Variants in CRTC3 observed in about 807,000 individuals in gnomAD.
CRTC3 encodes CREB-regulated transcription coactivator 3.
In CRTC3, 26 loss-of-function variants were observed where a neutral mutation model predicts 74.5. That is an observed-to-expected ratio of 0.35 (90% confidence interval 0.26 to 0.48). The LOEUF is 0.48. Among genes scored for constraint, CRTC3 ranks in the 20% least tolerant of loss-of-function variants. The pLI is 0.99. For synonymous variants in CRTC3, 377 were observed against 325.8 expected (o/e 1.16, Z -1.69); for missense variants, 760 against 787.3 (o/e 0.97, Z 0.41).
At chr15:90,602,888 T>G (rs578058356) in intron 4 of CRTC3, among the ~76,000 whole-genome samples, 1 of 151,286 alleles carries the variant, frequency 6.6e-6, no homozygotes, top group South Asian at 2.1e-4. Context: ...GCAGGAGAGT[T>G]GCTTGAACCA....
rs929840101 is a variant in CRTC3, at chr15:90,607,615, G to A, written c.577+137G>A. 3.7e-5 allele frequency: 22 copies of A among 589,548 alleles called. 1 individual carries two copies. Among genetic ancestry groups the A allele is most frequent in the Non-Finnish European group, 5.7e-5 (19 of 333,342 alleles). The allele number at this position is 589,548 out of a possible 1,614,324, so 36.5% of individuals were successfully genotyped here. A position where few individuals can be genotyped will look rare whatever the true frequency, so the allele number is the denominator to read the frequency against. ...GAGAGGCAGCTCGTGGCAGGGAAGC[G>A]TGTGTGTCCATGATGCAGTCAGGAT... is the stretch of plus-strand genomic sequence containing the variant. On this transcript the variant is annotated intron_variant, in intron 6 of 14. Coordinates refer to ENST00000268184, the MANE Select transcript of CRTC3 (RefSeq NM_022769.5).
At chr15:90,639,115 C>T (rs1228159405) in intron 13 of CRTC3, among the ~76,000 whole-genome samples, 2 of 152,260 alleles carry the variant, frequency 1.3e-5, no homozygotes, top group Non-Finnish European at 1.5e-5. Flanking sequence ...CACCTGCCTC[C>T]TCAGCGCCCT....
intron 14 of CRTC3, 88 bp from the exon 15 acceptor site, chr15:90,641,844 G>A (rs1969456581): frequency 9.3e-7 from 1 of 1,073,860 alleles, no homozygotes; most frequent in African/African-American, 1.6e-5. Flanking sequence ...AGCAGTTTAG[G>A]GGACTGTCAT....
chr15:90,593,807 G>A, intron 3 of CRTC3, 52 bp downstream of exon 3: 1 of 1,543,714 alleles, frequency 6.5e-7, no homozygotes. Context: ...TGTTTGAAAA[G>A]TTTTCAGGAT....
At chr15:90,535,112 G>A (rs1239919920) in intron 1 of CRTC3, among the ~76,000 whole-genome samples, 1 of 148,922 alleles carries the variant, frequency 6.7e-6, no homozygotes, top group African/African-American at 2.5e-5. Flanking sequence ...AGTGAGCCGA[G>A]ATTGTGCCAT....
intron 11 of CRTC3, among the ~76,000 whole-genome samples, chr15:90,635,912 CAA>C (rs1969217615): frequency 7.1e-6 from 1 of 140,060 alleles, no homozygotes; most frequent in Admixed American, 7.3e-5. Flanking sequence ...AAAGAGGATA[CAA>C]ACAAATGGAA....
chr15:90,611,772 C>T (rs1396138203), intron 6 of CRTC3, among the ~76,000 whole-genome samples: 1 of 152,148 alleles, frequency 6.6e-6, no homozygotes, highest in African/African-American at 2.4e-5. Flanking sequence ...TGGACTATTG[C>T]ATTGGTTTTC....
At chr15:90,633,333 A>ATAGCAAAG (rs1969112868) in intron 11 of CRTC3, among the ~76,000 whole-genome samples, 1 of 152,342 alleles carries the variant, frequency 6.6e-6, no homozygotes, top group African/African-American at 2.4e-5. Context: ...TAGTAGCTCT[A>ATAGCAAAG]TAGCAAAGAG....
intron 2 of CRTC3, among the ~76,000 whole-genome samples, chr15:90,592,034 G>A (rs1418275595): frequency 6.6e-6 from 1 of 152,138 alleles, no homozygotes; most frequent in Admixed American, 6.5e-5. Context: ...AAAATAGATC[G>A]GAACTGTTAG....
At chr15:90,568,581 C>A (rs1447821478) in intron 2 of CRTC3, among the ~76,000 whole-genome samples, 1 of 142,954 alleles carries the variant, frequency 7.0e-6, no homozygotes, top group Non-Finnish European at 1.5e-5. Context: ...GAACTCCTGG[C>A]CTTAAGTGTT....
chr15:90,559,964 A>G (rs764971715), intron 2 of CRTC3, among the ~76,000 whole-genome samples: 11 of 152,280 alleles, frequency 7.2e-5, no homozygotes, highest in Non-Finnish European at 8.8e-5. Flanking sequence ...TTTACCGGCC[A>G]TTCTGGTTTC....
At chr15:90,609,055 C>CT (rs1375382873) in intron 6 of CRTC3, among the ~76,000 whole-genome samples, 1 of 152,222 alleles carries the variant, frequency 6.6e-6, no homozygotes, top group Non-Finnish European at 1.5e-5. Flanking sequence ...TAAATGGCCT[C>CT]TGTTCCTTCC....
intron 2 of CRTC3, among the ~76,000 whole-genome samples, chr15:90,587,949 G>A (rs1967705656): frequency 6.8e-6 from 1 of 147,944 alleles, no homozygotes; most frequent in Non-Finnish European, 1.5e-5. Flanking sequence ...CACCTCCCTT[G>A]TTCTTCAAGA....
At chr15:90,544,399 T>C (rs1966840752) in intron 2 of CRTC3, among the ~76,000 whole-genome samples, 1 of 152,250 alleles carries the variant, frequency 6.6e-6, no homozygotes, top group African/African-American at 2.4e-5. Flanking sequence ...TAAAGTCATA[T>C]TCACAGGTTC....
rs7178665 is a variant in CRTC3, at chr15:90,533,461, G to T, written c.132+3258G>T. Among the ~76,000 whole-genome samples the T allele has an allele frequency of 6.4e-3, 973 of 151,180 alleles. 22 individuals carry two copies. In the East Asian group the frequency reaches 0.08, roughly 12 times the overall value. On this transcript the variant is annotated intron_variant, in intron 1 of 14. Coordinates refer to ENST00000268184, the MANE Select transcript of CRTC3 (RefSeq NM_022769.5). ...AAGGGAAGAAAGTGGTTGCAGGTATGCCTGGGAAGAGGCTGTTCTGTTGTT... is the reference window on the plus strand; with the variant it reads ...AAGGGAAGAAAGTGGTTGCAGGTATTCCTGGGAAGAGGCTGTTCTGTTGTT...
intron 3 of CRTC3, chr15:90,598,247 A>G: frequency 1.7e-6 from 1 of 585,036 alleles, no homozygotes. Flanking sequence ...AGCCAAGAGA[A>G]GGGAACCCTG....
intron 2 of CRTC3, among the ~76,000 whole-genome samples, chr15:90,551,347 T>A (rs1966856013): frequency 6.7e-6 from 1 of 149,046 alleles, no homozygotes. Context: ...CTGTGCTTCT[T>A]ACTGTCTCCC....
At chr15:90,552,058 A>C (rs1002448785) in intron 2 of CRTC3, among the ~76,000 whole-genome samples, 2 of 152,160 alleles carry the variant, frequency 1.3e-5, no homozygotes, top group South Asian at 2.1e-4. Context: ...GGTGTTAACT[A>C]CTTTTCTTTT....
chr15:90,622,660 G>A (rs1968691715), intron 9 of CRTC3, among the ~76,000 whole-genome samples: 1 of 152,126 alleles, frequency 6.6e-6, no homozygotes, highest in Admixed American at 6.5e-5. Context: ...AGACCAGCCT[G>A]GCCAACATGG....
Sources: gnomAD v4.1 joint callset for allele counts (sites outside exome capture counted in the v4.1 genomes callset) on GRCh38, gnomAD v4.1.1 for gene constraint, MANE v1.5 for transcripts, NCBI Gene and HGNC (gene_info 2026-07-23, HGNC 2026-07-21) for gene names.